The following WEE1 variants were observed in gnomAD, a reference collection of about 807,000 sequenced individuals.
WEE1 encodes the protein wee1-like protein kinase.
Under a neutral mutation model 68.8 loss-of-function variants are expected in WEE1, and 16 were observed. That is an observed-to-expected ratio of 0.23 (90% confidence interval 0.16 to 0.35). The LOEUF (loss-of-function observed/expected upper bound fraction) is 0.35, where lower values mean the gene tolerates loss of function less well. WEE1 is among the 10% of genes least tolerant of loss of function. WEE1 has a pLI of 1.00. For missense variants in WEE1, 651 were observed against 824.1 expected (o/e 0.79, Z 2.57); for synonymous variants, 349 against 318.7 (o/e 1.09, Z -1.01).
At chr11:9,579,719 G>A (rs1200621901) in intron 5 of WEE1, 3 of 151,554 alleles carry the variant, frequency 2.0e-5, no homozygotes, top group South Asian at 2.1e-4. Context: ...GTCTGACAGC[G>A]TTATTGGTTT....
At chr11:9,579,811 G>A (rs978215119) in intron 5 of WEE1, 1 of 152,102 alleles carries the variant, frequency 6.6e-6, no homozygotes, top group Admixed American at 6.5e-5. Flanking sequence ...CTAAGATACC[G>A]AGATGTATAA....
intron 4 of WEE1, 48 bp from the exon 5 acceptor site, chr11:9,577,094 C>T (rs891518729): frequency 1.9e-6 from 3 of 1,566,720 alleles, no homozygotes; most frequent in Non-Finnish European, 2.6e-6. Context: ...TCAGTTTAAG[C>T]TTGAGTGAAA....
intron 6 of WEE1, 41 bp downstream of exon 6, chr11:9,581,719 A>G: frequency 3.9e-6 from 6 of 1,556,204 alleles, no homozygotes; most frequent in Non-Finnish European, 5.2e-6. Flanking sequence ...CTTTGGGGTT[A>G]TAGAGAATAA....
chr11:9,575,268 A>C (rs914815422), intron 1 of WEE1: 1 of 986,194 alleles, frequency 1.0e-6, no homozygotes, highest in Non-Finnish European at 1.2e-6. Flanking sequence ...GCCTTCGAGT[A>C]CTGCGCAGAT....
Position 9,573,974 on chromosome 11 carries a change from G to C in WEE1, c.41G>C (p.Arg14Pro). ...CGACAGCAGCCGCCGCCACCCCGCC[G>C]CGCCGGGGCGGCCTGCACCTTGCGG... ...LSRQQPPPPR[R>P]AGAACTLRQK... Residue 14 changes from arginine to proline, a missense_variant, in exon 1 of 11, where the codon CGC (arginine) becomes CCC (proline). This residue lies in a region of WEE1 where 395 missense variants were observed against 378.4 expected (regional missense o/e 1.04). Coordinates refer to ENST00000450114, the MANE Select transcript of WEE1 (RefSeq NM_003390.4). 1.5e-6 allele frequency: 2 copies of C among 1,294,286 alleles called. No homozygotes were observed. The highest frequency in any genetic ancestry group is 2.0e-6 in the Non-Finnish European group (2 of 1,020,688). The allele number at this position is 1,294,286 out of a possible 1,614,324, so 80.2% of individuals were successfully genotyped here.
chr11:9,577,462 A>G, intron 5 of WEE1, 199 bp downstream of exon 5: 1 of 557,148 alleles, frequency 1.8e-6, no homozygotes, highest in Non-Finnish European at 3.1e-6. Context: ...CAGTAGTAGA[A>G]CTTCGCATAC....
chr11:9,574,352 C>T lies in WEE1; in HGVS notation c.419C>T (p.Pro140Leu). 1 of 1,248,210 alleles carries T rather than the reference C, an allele frequency of 8.0e-7. No individual in the cohort carries two copies. Among genetic ancestry groups the T allele is most frequent in the Non-Finnish European group, 1.0e-6 (1 of 996,994 alleles). 77.3% of individuals were successfully genotyped at this position (1,248,210 alleles called of 1,614,324 possible). The change falls in exon 1 of 11, where the codon CCG (proline) becomes CTG (leucine). Residue 140 changes from proline to leucine, a missense_variant. Around this residue, in one of 5 missense-constraint regions of WEE1, gnomAD observed 395 missense variants for 378.4 expected, o/e 1.04. Transcript: ENST00000450114. This position sits in a 1 kb window ranked among gnomAD's most constrained non-coding sequence, Gnocchi z 4.9. ...TACTTCCTGGGTAGCTCTTTCTCGCCGGTGCGCTGCGGCGGCCCAGGAGAT... is the reference window on the plus strand; with the variant it reads ...TACTTCCTGGGTAGCTCTTTCTCGCTGGTGCGCTGCGGCGGCCCAGGAGAT... ...APYFLGSSFS[P>L]VRCGGPGDAS...
intron 6 of WEE1, among the ~76,000 whole-genome samples, chr11:9,584,309 TTTTTTC>T (rs1849677318): frequency 6.6e-6 from 1 of 152,060 alleles, no homozygotes; most frequent in Non-Finnish European, 1.5e-5. Flanking sequence ...CTATTTTAAT[TTTTTTC>T]TTTTTCTTTT....
Position 9,588,794 on chromosome 11 carries a change from A to G in WEE1, c.*192A>G, listed in dbSNP as rs1306162860. ...TGTCAGGCTTTCATCTAATCTTACC[A>G]GTCTGTCTTCTGTAGGATGTGTCAC... On this transcript the variant is annotated 3_prime_UTR_variant, in exon 11 of 11. Transcript: ENST00000450114. 3.3e-6 allele frequency: 4 copies of G among 1,212,018 alleles called. No individual in the cohort carries two copies. In the East Asian group the frequency reaches 1.6e-4, roughly 47 times the overall value. 75.1% of individuals were successfully genotyped at this position (1,212,018 alleles called of 1,614,324 possible).
Position 9,574,257 on chromosome 11 carries a change from G to A in WEE1, c.324G>A (p.Gly108=), listed in dbSNP as rs750256402. The part of the protein sequence containing the change: ...ACPGADEAGG[G]AEGDSWEEEG... The stretch of plus-strand genomic sequence containing the variant: ...CGGGCGCGGACGAGGCGGGCGGTGG[G>A]GCGGAGGGCGACTCGTGGGAGGAGG... Residue 108 remains glycine (G), a synonymous_variant, in exon 1 of 11, where the codon GGG becomes GGA. Transcript: ENST00000450114. This position sits in a 1 kb window ranked among gnomAD's most constrained non-coding sequence, Gnocchi z 4.9. 2.5e-6 allele frequency: 3 copies of A among 1,215,484 alleles called. No homozygotes were observed. Among genetic ancestry groups the A allele is most frequent in the Non-Finnish European group, 3.1e-6 (3 of 975,700 alleles). The allele number at this position is 1,215,484 out of a possible 1,614,324, so 75.3% of individuals were successfully genotyped here.
chr11:9,574,081 G>C lies in WEE1; in HGVS notation c.148G>C (p.Gly50Arg). Reference sequence around the variant, plus strand: ...GGAGGAGGGCAGCGGCCACAGCACCGGGGAGGACTCGGCCTTTCAAGAGCC... The same window carrying C: ...GGAGGAGGGCAGCGGCCACAGCACCCGGGAGGACTCGGCCTTTCAAGAGCC... ...EEEEGSGHST[G>R]EDSAFQEPDS... Residue 50 changes from glycine to arginine, a missense_variant, in exon 1 of 11, where the codon GGG (glycine) becomes CGG (arginine). Gly to Arg is a moderately radical substitution (Grantham distance 125, BLOSUM62 -2). Transcript: ENST00000450114. This position sits in a 1 kb window ranked among gnomAD's most constrained non-coding sequence, Gnocchi z 4.9. 8.1e-7 allele frequency: 1 copy of C among 1,237,568 alleles called. No individual in the cohort carries two copies. The highest frequency in any genetic ancestry group is 1.0e-6 in the Non-Finnish European group (1 of 989,584). The allele number at this position is 1,237,568 out of a possible 1,614,324, so 76.7% of individuals were successfully genotyped here.
intron 8 of WEE1, among the ~76,000 whole-genome samples, chr11:9,585,897 A>G (rs1849694755): frequency 6.6e-6 from 1 of 152,238 alleles, no homozygotes; most frequent in South Asian, 2.1e-4. Flanking sequence ...CAGTGTAAAT[A>G]AGTGTTTACT....
Position 9,573,982 on chromosome 11 carries a change from G to A in WEE1, c.49G>A (p.Ala17Thr). ...QQPPPPRRAG[A>T]ACTLRQKLIF... ...GCCGCCGCCACCCCGCCGCGCCGGG[G>A]CGGCCTGCACCTTGCGGCAGAAGCT... The change falls in exon 1 of 11, where the codon GCG becomes ACG. Residue 17 changes from alanine (A) to threonine (T), a missense_variant. Around this residue, in one of 5 missense-constraint regions of WEE1, gnomAD observed 395 missense variants for 378.4 expected, o/e 1.04. Coordinates refer to ENST00000450114, the MANE Select transcript of WEE1 (RefSeq NM_003390.4). The A allele has an allele frequency of 7.7e-7, 1 of 1,294,782 alleles. No individual in the cohort carries two copies. The highest frequency in any genetic ancestry group is 2.2e-5 in the South Asian group (1 of 44,678). The allele number at this position is 1,294,782 out of a possible 1,614,324, so 80.2% of individuals were successfully genotyped here. A position where few individuals can be genotyped will look rare whatever the true frequency, so the allele number is the denominator to read the frequency against.
chr11:9,585,622 C>T, intron 8 of WEE1, 95 bp downstream of exon 8: 1 of 1,010,444 alleles, frequency 9.9e-7, no homozygotes, highest in East Asian at 2.8e-5. Context: ...TTGAAGTTAA[C>T]TAATAGAATG....
chr11:9,575,671 T>C, intron 1 of WEE1: 1 of 569,030 alleles, frequency 1.8e-6, no homozygotes, highest in Non-Finnish European at 3.1e-6. Flanking sequence ...TAGAGGCAGA[T>C]TTTACTTGGC....
Position 9,588,529 on chromosome 11 carries a change from C to T in WEE1, c.1868C>T (p.Thr623Ile). 1 of 1,612,624 alleles carries T rather than the reference C, an allele frequency of 6.2e-7. No individual in the cohort carries two copies. Among genetic ancestry groups the T allele is most frequent in the Non-Finnish European group, 8.5e-7 (1 of 1,179,686 alleles). ...ACTGACCGGATGGCCACTAGGTCCA[C>T]CACCCAGAGTAATAGAACATCTCGA... ...LFTDRMATRS[T>I]TQSNRTSRLI... is the part of the protein sequence containing the mutation. The change falls in exon 11 of 11, where the codon ACC becomes ATC. Residue 623 changes from threonine (T) to isoleucine (I), a missense_variant. By Grantham distance (89) the Thr-to-Ile change is moderately conservative (BLOSUM62 -1). Around this residue, in one of 5 missense-constraint regions of WEE1, gnomAD observed 115 missense variants for 142.7 expected, o/e 0.81. Coordinates refer to ENST00000450114, the MANE Select transcript of WEE1 (RefSeq NM_003390.4).
Position 9,589,245 on chromosome 11 carries a change from G to A in WEE1, c.*643G>A. ...TTGAAACAATTATGTGAAATGTATA[G>A]CTGCTTTTGATGAAAAGCAGCTATT... On this transcript the variant is annotated 3_prime_UTR_variant, in exon 11 of 11. Transcript: ENST00000450114. 1.0e-6 allele frequency: 1 copy of A among 984,334 alleles called. No homozygotes were observed. Among genetic ancestry groups the A allele is most frequent in the Non-Finnish European group, 1.2e-6 (1 of 829,590 alleles). 61.0% of individuals were successfully genotyped at this position (984,334 alleles called of 1,614,324 possible).
At chr11:9,585,071 AC>A in intron 6 of WEE1, 186 bp from the exon 7 acceptor site, 1 of 577,018 alleles carries the variant, frequency 1.7e-6, no homozygotes, top group Non-Finnish European at 3.0e-6. Flanking sequence ...TCAAAAAAAA[AC>A]AAAAAAAATT....
At chr11:9,583,800 C>T (rs868139704) in intron 6 of WEE1, among the ~76,000 whole-genome samples, 121 of 17,922 alleles carry the variant, frequency 6.8e-3, no homozygotes, top group African/African-American at 8.4e-3. Flanking sequence ...CACACACACA[C>T]ACATATATAT....
Sources: allele counts gnomAD v4.1 joint callset (sites outside exome capture counted in the v4.1 genomes callset), GRCh38; gene constraint gnomAD v4.1.1; regional missense constraint gnomAD v4.1.1; non-coding constraint Gnocchi (gnomAD v3.1); transcripts MANE v1.5; gene names NCBI Gene and HGNC (gene_info 2026-07-23, HGNC 2026-07-21).